SERPINB7: variants seen among roughly 807,000 people sequenced by gnomAD.
The protein encoded by SERPINB7 is serpin family B member 7.
SERPINB7 carries 31 observed loss-of-function variants against 37.4 expected under a neutral mutation model. The observed-to-expected ratio is 0.83, with a 90% CI of 0.62 to 1.12. SERPINB7 has a LOEUF of 1.12. SERPINB7 is among the 50% of genes most tolerant of loss of function. The pLI, the probability that SERPINB7 is intolerant of heterozygous loss-of-function variation, is 0.00. For synonymous variants in SERPINB7, 163 were observed against 166.1 expected (o/e 0.98, Z 0.14); for missense variants, 521 against 455.3 (o/e 1.14, Z -1.31).
Position 63,779,653 on chromosome 18 carries a change from T to C in SERPINB7, c.-18-2702T>C, listed in dbSNP as rs116071388. On this transcript the variant is annotated intron_variant, in intron 1 of 7. Transcript: ENST00000398019. ...TCGTGATTTTTTTTTTCTAGTATGG[T>C]TTCTCTGCCATAAAACTTACCTAAG... Among the ~76,000 whole-genome samples, 141 of 152,130 alleles carry C rather than the reference T, an allele frequency of 9.3e-4. 1 individual carries two copies. The highest frequency in any genetic ancestry group is 3.3e-3 in the African/African-American group (139 of 41,536).
rs953149557 is a variant in SERPINB7 at position 63,805,164 on chromosome 18, T to C, written c.*529T>C. 6.6e-6 allele frequency: 1 copy of C among 152,538 alleles called. No homozygotes were observed. The highest frequency in any genetic ancestry group is 2.4e-5 in the African/African-American group (1 of 41,456). The allele number at this position is 152,538 out of a possible 1,614,324, so 9.4% of individuals were successfully genotyped here. ...AATCTAGATGGTAAAAAATGTGAAA[T>C]TGGGATTAGGGACCAACCAAAATAT... is the stretch of plus-strand genomic sequence containing the variant. On this transcript the variant is annotated 3_prime_UTR_variant, in exon 8 of 8. Transcript: ENST00000398019.
rs376829993 is a variant in SERPINB7 at position 63,782,456 on chromosome 18, G to A, written c.84G>A (p.Val28=). The A allele has an allele frequency of 1.2e-6, 2 of 1,613,950 alleles. No individual in the cohort carries two copies. The highest frequency in any genetic ancestry group is 1.7e-6 in the Non-Finnish European group (2 of 1,179,892). The change falls in exon 2 of 8, where the codon GTG becomes GTA. Residue 28 remains valine (V), a synonymous_variant. Transcript: ENST00000398019. ...EMDDNQGNGN[V]FFSSLSLFAA... is the part of the protein sequence containing the mutation. ...ATGACAATCAAGGAAATGGAAATGTGTTCTTTTCCTCTCTGAGCCTCTTCG... is the reference window on the plus strand; with the variant it reads ...ATGACAATCAAGGAAATGGAAATGTATTCTTTTCCTCTCTGAGCCTCTTCG...
chr18:63,779,192 A>G (rs1371440414), intron 1 of SERPINB7, among the ~76,000 whole-genome samples: 1 of 152,094 alleles, frequency 6.6e-6, no homozygotes, highest in Non-Finnish European at 1.5e-5. Flanking sequence ...GCTTGCCTGA[A>G]CTTAGTTTAT....
chr18:63,802,511 A>G (rs1478974159), intron 7 of SERPINB7, among the ~76,000 whole-genome samples: 3 of 152,178 alleles, frequency 2.0e-5, no homozygotes, highest in African/African-American at 7.2e-5. Context: ...GTTTATAGCA[A>G]GCATGTGAGA....
At chr18:63,757,513 G>C (rs2049128832) in intron 1 of SERPINB7, among the ~76,000 whole-genome samples, 1 of 152,168 alleles carries the variant, frequency 6.6e-6, no homozygotes, top group Admixed American at 6.5e-5. Context: ...TTTAGGGTAG[G>C]GGTTGGCAAA....
At chr18:63,772,483 G>A (rs565253223), upstream of SERPINB7, among the ~76,000 whole-genome samples, 568 of 152,134 alleles carry the variant, frequency 3.7e-3, 3 homozygotes, top group Middle Eastern at 6.8e-3. Flanking sequence ...TCAAGGTAAA[G>A]CTTAATAAAT....
exon 1 of SERPINB7, chr18:63,753,068 GGCAGGAGGA>G (rs2049101450): frequency 1.3e-5 from 2 of 152,748 alleles, no homozygotes; most frequent in Non-Finnish European, 2.9e-5. Flanking sequence ...GGAGGTAGGA[GGCAGGAGGA>G]ACTGAAGCCC....
intron 2 of SERPINB7, among the ~76,000 whole-genome samples, chr18:63,786,638 T>C (rs1348599860): frequency 1.3e-5 from 2 of 152,000 alleles, no homozygotes; most frequent in Non-Finnish European, 2.9e-5. Context: ...AAAAAATCCT[T>C]AATCCAAATG....
chr18:63,777,129 C>T (rs529096644), intron 1 of SERPINB7, among the ~76,000 whole-genome samples: 1 of 152,092 alleles, frequency 6.6e-6, no homozygotes, highest in South Asian at 2.1e-4. Context: ...CACCTGCCTC[C>T]CTTAAATACA....
At chr18:63,762,939 G>T (rs2049161988) in intron 1 of SERPINB7, among the ~76,000 whole-genome samples, 1 of 152,288 alleles carries the variant, frequency 6.6e-6, no homozygotes, top group South Asian at 2.1e-4. Flanking sequence ...AATATTAGCA[G>T]ATAATTGTGG....
intron 2 of SERPINB7, among the ~76,000 whole-genome samples, chr18:63,791,719 T>A (rs1457287293): frequency 1.3e-5 from 2 of 152,118 alleles, no homozygotes; most frequent in Non-Finnish European, 2.9e-5. Context: ...CACGCCATTC[T>A]CCTGCCTCAG....
At chr18:63,772,928 AT>A (rs2049219613), upstream of SERPINB7, among the ~76,000 whole-genome samples, 1 of 152,152 alleles carries the variant, frequency 6.6e-6, no homozygotes, top group Non-Finnish European at 1.5e-5. Flanking sequence ...ATATTATATC[AT>A]GTTATTTATT....
intron 6 of SERPINB7, among the ~76,000 whole-genome samples, chr18:63,799,416 CT>C (rs1269954936): frequency 1.3e-5 from 2 of 152,148 alleles, no homozygotes; most frequent in Non-Finnish European, 2.9e-5. Flanking sequence ...ATGTGTTATT[CT>C]TTTTCTCCTA....
chr18:63,774,807 A>G (rs112573460), upstream of SERPINB7, among the ~76,000 whole-genome samples: 1,835 of 152,224 alleles, frequency 0.012, 47 homozygotes, highest in African/African-American at 0.042. Flanking sequence ...AGTTGCAATA[A>G]CTAACAGGGC....
intron 2 of SERPINB7, among the ~76,000 whole-genome samples, chr18:63,782,810 C>T (rs1239920748): frequency 1.3e-5 from 2 of 152,130 alleles, no homozygotes; most frequent in African/African-American, 4.8e-5. Context: ...TTTCCCAGAC[C>T]AGGATCATCA....
At chr18:63,793,137 T>C (rs2049446707) in intron 3 of SERPINB7, 24 bp from the exon 4 acceptor site, 2 of 1,334,148 alleles carry the variant, frequency 1.5e-6, no homozygotes, top group South Asian at 2.7e-5. Flanking sequence ...AAAAATAAAT[T>C]TTTATACATC....
At chr18:63,796,204 C>A (rs1182556428) in intron 4 of SERPINB7, 62 bp from the exon 5 acceptor site, 4 of 956,350 alleles carry the variant, frequency 4.2e-6, no homozygotes, top group African/African-American at 3.3e-5. Flanking sequence ...TTCAAAAATA[C>A]ATTTCTTATA....
upstream of SERPINB7, among the ~76,000 whole-genome samples, chr18:63,775,104 T>A (rs1027031347): frequency 6.6e-6 from 1 of 152,112 alleles, no homozygotes; most frequent in African/African-American, 2.4e-5. Flanking sequence ...CTTGCCTTAG[T>A]TGATTTGATG....
At chr18:63,785,087 G>A (rs777919194) in intron 2 of SERPINB7, among the ~76,000 whole-genome samples, 1 of 152,128 alleles carries the variant, frequency 6.6e-6, no homozygotes, top group Non-Finnish European at 1.5e-5. Flanking sequence ...TTATGATCTT[G>A]CATGAAGAAA....
Sources: allele counts gnomAD v4.1 joint callset (sites outside exome capture counted in the v4.1 genomes callset), GRCh38; gene constraint gnomAD v4.1.1; transcripts MANE v1.5; gene names NCBI Gene and HGNC (gene_info 2026-07-23, HGNC 2026-07-21).